Variants in OSBPL10 observed in about 807,000 individuals in gnomAD.
OSBPL10 encodes oxysterol-binding protein-related protein 10.
OSBPL10 carries 49 observed loss-of-function variants against 81.7 expected under a neutral mutation model. That is an observed-to-expected ratio of 0.60 (90% CI 0.48 to 0.76). The LOEUF is 0.76. OSBPL10 is among the 30% of genes least tolerant of loss of function. OSBPL10 has a pLI of 0.00. For missense variants in OSBPL10, 923 were observed against 987.8 expected, an observed-to-expected ratio of 0.93 and a Z score of 0.88; for synonymous variants, 419 against 383.6, an observed-to-expected ratio of 1.09 and a Z score of -1.08.
At position 31,989,312 on chromosome 3, in the gene OSBPL10, C is replaced by G. The variant is rs374760869; in HGVS notation, n.298+57179G>C. On this transcript the variant is annotated intron_variant and non_coding_transcript_variant, in intron 2 of 3. Coordinates refer to the OSBPL10 transcript ENST00000479173. ...ATGATGAAGAAGTTCTCATCAACAG[C>G]GCAAGGCAATACAGAAGTGGACACA... 32 of 1,614,026 alleles carry G rather than the reference C, an allele frequency of 2.0e-5. No homozygotes were observed. The African/African-American group carries it at 3.5e-4, about 17-fold the overall frequency.
intron 1 of OSBPL10, among the ~76,000 whole-genome samples, chr3:31,934,560 C>T (rs1398951640): frequency 1.3e-5 from 2 of 152,046 alleles, no homozygotes; most frequent in African/African-American, 2.4e-5. Context: ...GTGCCTGCCA[C>T]CACACCCAGC....
At chr3:31,840,204 T>A (rs1292332910) in intron 3 of OSBPL10, among the ~76,000 whole-genome samples, 1 of 152,138 alleles carries the variant, frequency 6.6e-6, no homozygotes, top group Admixed American at 6.6e-5. Flanking sequence ...GGCTCCTATT[T>A]TATATTTAAA....
At chr3:31,807,985 T>C (rs1699564946) in intron 4 of OSBPL10, among the ~76,000 whole-genome samples, 1 of 152,134 alleles carries the variant, frequency 6.6e-6, no homozygotes, top group African/African-American at 2.4e-5. Flanking sequence ...GTATAAAGAA[T>C]AACAGAGAAT....
rs1205424184 is a variant in OSBPL10, at chr3:31,733,322, T to C, written c.1030A>G (p.Asn344Asp). 2 of 1,613,378 alleles carry C rather than the reference T, an allele frequency of 1.2e-6. No individual in the cohort carries two copies. The highest frequency in any genetic ancestry group is 2.2e-5 in the East Asian group (1 of 44,886). Residue 344 changes from asparagine to aspartate, a missense_variant, in exon 6 of 12, where the codon AAC becomes GAC. Asn to Asp is a conservative substitution (Grantham distance 23). Coordinates refer to ENST00000396556, the MANE Select transcript of OSBPL10 (RefSeq NM_017784.5). ...TLGSLPSASA[N>D]ITWAILPNSA... is the part of the protein sequence containing the mutation. ...TTTGGTAAAATTGCCCAGGTTATGT[T>C]GGCACTGGCTGATGGCAAAGAGCCA...
At chr3:31,734,671 A>C (rs1559439825) in intron 5 of OSBPL10, among the ~76,000 whole-genome samples, 1 of 152,114 alleles carries the variant, frequency 6.6e-6, no homozygotes, top group African/African-American at 2.4e-5. Flanking sequence ...CAAGGAGGTC[A>C]AGGCTGTAGT....
intron 2 of OSBPL10, among the ~76,000 whole-genome samples, chr3:32,018,080 G>C (rs1050662064): frequency 6.6e-6 from 1 of 151,674 alleles, no homozygotes; most frequent in Non-Finnish European, 1.5e-5. Context: ...CCTGGGAGGC[G>C]GAAGTTGCAG....
At chr3:32,011,233 T>C (rs1018420274) in intron 2 of OSBPL10, among the ~76,000 whole-genome samples, 9 of 152,178 alleles carry the variant, frequency 5.9e-5, no homozygotes, top group Non-Finnish European at 8.8e-5. Context: ...GGTACTCCTC[T>C]GAGACAAAAC....
At chr3:31,702,981 T>C (rs1040527248) in intron 6 of OSBPL10, among the ~76,000 whole-genome samples, 1 of 152,196 alleles carries the variant, frequency 6.6e-6, no homozygotes, top group Admixed American at 6.5e-5. Context: ...AGACTATTTC[T>C]ACCCAAATCA....
chr3:31,919,921 G>A (rs1339055056), intron 1 of OSBPL10, among the ~76,000 whole-genome samples: 1 of 152,200 alleles, frequency 6.6e-6, no homozygotes, highest in Non-Finnish European at 1.5e-5. Flanking sequence ...GTGTTGTTAA[G>A]ATAATGCATT....
intron 1 of OSBPL10, among the ~76,000 whole-genome samples, chr3:31,936,384 G>T (rs1697380524): frequency 6.6e-6 from 1 of 152,132 alleles, no homozygotes; most frequent in South Asian, 2.1e-4. Context: ...TTAGCTAAAT[G>T]CTGTAACAAA....
chr3:32,024,274 CTGTTG>C (rs1699383337), intron 2 of OSBPL10, among the ~76,000 whole-genome samples: 1 of 152,106 alleles, frequency 6.6e-6, no homozygotes, highest in East Asian at 1.9e-4. Context: ...GAGAAGAATT[CTGTTG>C]AATGTAAATC....
At chr3:31,976,276 C>T (rs1408025354) in intron 1 of OSBPL10, among the ~76,000 whole-genome samples, 1 of 152,126 alleles carries the variant, frequency 6.6e-6, no homozygotes, top group East Asian at 1.9e-4. Context: ...CCCTTATACA[C>T]CAATAATCTC....
intron 2 of OSBPL10, chr3:31,989,318 G>C (rs1259846835): frequency 6.2e-7 from 1 of 1,614,182 alleles, no homozygotes; most frequent in Non-Finnish European, 8.5e-7. Context: ...ACAGCGCAAG[G>C]CAATACAGAA....
intron 6 of OSBPL10, among the ~76,000 whole-genome samples, chr3:31,722,234 T>C (rs1357795959): frequency 2.0e-5 from 3 of 152,184 alleles, no homozygotes; most frequent in South Asian, 2.1e-4. Flanking sequence ...GTCCAACCAA[T>C]TGATTGCTCC....
chr3:32,036,297 G>A (rs538921072), intron 2 of OSBPL10, among the ~76,000 whole-genome samples: 3 of 152,192 alleles, frequency 2.0e-5, no homozygotes, highest in South Asian at 2.1e-4. Context: ...ATCCTCCTGC[G>A]TTGGTTTCCA....
chr3:31,851,214 G>A (rs1447993944), intron 3 of OSBPL10, among the ~76,000 whole-genome samples: 1 of 152,198 alleles, frequency 6.6e-6, no homozygotes, highest in Non-Finnish European at 1.5e-5. Flanking sequence ...TCCCACTGGG[G>A]GAAGAAAATA....
At chr3:31,873,799 C>T (rs1238300586) in intron 3 of OSBPL10, among the ~76,000 whole-genome samples, 2 of 152,160 alleles carry the variant, frequency 1.3e-5, no homozygotes, top group Admixed American at 6.5e-5. Flanking sequence ...AGTTTATATT[C>T]ACTTTGAGCC....
intron 2 of OSBPL10, among the ~76,000 whole-genome samples, chr3:31,993,671 T>TACAC (rs1286675523): frequency 5.5e-5 from 7 of 126,720 alleles, no homozygotes; most frequent in African/African-American, 3.0e-4. Context: ...TTAACATGAC[T>TACAC]ACACACACAT....
intron 3 of OSBPL10, among the ~76,000 whole-genome samples, chr3:31,843,856 G>A (rs1317544968): frequency 6.6e-6 from 1 of 152,180 alleles, no homozygotes; most frequent in Non-Finnish European, 1.5e-5. Context: ...GGAGTCACAT[G>A]TTAACAGCTC....
Sources: gnomAD v4.1 joint callset for allele counts (sites outside exome capture counted in the v4.1 genomes callset) on GRCh38, gnomAD v4.1.1 for gene constraint, MANE v1.5 for transcripts, NCBI Gene and HGNC (gene_info 2026-07-23, HGNC 2026-07-21) for gene names.